FAM222A: variants seen among roughly 807,000 people sequenced by gnomAD.
FAM222A encodes family with sequence similarity 222 member A.
Under a neutral mutation model 25.8 loss-of-function variants are expected in FAM222A, and 7 were observed. The observed-to-expected ratio is 0.27, with a 90% CI of 0.15 to 0.51. FAM222A has a LOEUF of 0.51. FAM222A is among the 20% of genes least tolerant of loss of function. The pLI, the probability that FAM222A is intolerant of heterozygous loss-of-function variation, is 0.97. For missense variants in FAM222A, 573 were observed against 640.5 expected (o/e 0.89, Z 1.14); for synonymous variants, 294 against 298.8 (o/e 0.98, Z 0.17).
intron 1 of FAM222A, among the ~76,000 whole-genome samples, chr12:109,741,040 G>A (rs907200284): frequency 3.3e-5 from 5 of 152,214 alleles, no homozygotes; most frequent in Non-Finnish European, 5.9e-5. Flanking sequence ...GGTGTGGTGG[G>A]CAAAGAGGGC....
chr12:109,720,516 C>T (rs969655528), intron 1 of FAM222A, among the ~76,000 whole-genome samples: 57 of 152,364 alleles, frequency 3.7e-4, no homozygotes, highest in Admixed American at 1.1e-3. Flanking sequence ...TGGCCCTGCC[C>T]CTCGGCATCT....
At position 109,732,924 on chromosome 12, in the gene FAM222A, G is replaced by A. The variant is rs939995306; in HGVS notation, c.-46-11177G>A. ...ACACAGTAGAACCGGCACTCCAGTG[G>A]AAGAGACAGACACTAAACCATTCAT... On this transcript the variant is annotated intron_variant, in intron 1 of 2. Coordinates refer to ENST00000538780, the MANE Select transcript of FAM222A (RefSeq NM_032829.3). 2.0e-5 allele frequency among the ~76,000 whole-genome samples: 3 copies of A among 152,260 alleles called. No homozygotes were observed. In the East Asian group the frequency reaches 5.8e-4, roughly 29 times the overall value.
intron 1 of FAM222A, chr12:109,720,269 G>A: frequency 3.8e-6 from 3 of 792,856 alleles, no homozygotes; most frequent in East Asian, 1.3e-4. Flanking sequence ...GAGACTAGCT[G>A]TGAACAGGCT....
intron 1 of FAM222A, among the ~76,000 whole-genome samples, chr12:109,725,154 A>G (rs1346113108): frequency 1.3e-5 from 2 of 152,176 alleles, no homozygotes; most frequent in African/African-American, 4.8e-5. Context: ...AGTCCAGCCC[A>G]GAGCTGGGAA....
intron 2 of FAM222A, among the ~76,000 whole-genome samples, chr12:109,760,506 T>C (rs1204607736): frequency 1.3e-5 from 2 of 152,154 alleles, no homozygotes; most frequent in South Asian, 4.1e-4. Context: ...GGTCTCAAAC[T>C]GGCAGCCTGT....
At chr12:109,715,517 AG>A (rs1314857019) in intron 1 of FAM222A, among the ~76,000 whole-genome samples, 1 of 149,826 alleles carries the variant, frequency 6.7e-6, no homozygotes, top group Non-Finnish European at 1.5e-5. Context: ...CCAAGGCCGG[AG>A]GGGGCGGGGT....
At chr12:109,753,563 G>C (rs192833974) in intron 2 of FAM222A, among the ~76,000 whole-genome samples, 13 of 152,154 alleles carry the variant, frequency 8.5e-5, no homozygotes, top group Admixed American at 2.0e-4. Context: ...CCATCCCGGG[G>C]GGGGGAGCCT....
chr12:109,720,162 G>A, intron 1 of FAM222A: 1 of 985,484 alleles, frequency 1.0e-6, no homozygotes, highest in Non-Finnish European at 1.2e-6. Flanking sequence ...CAGCAAGCCA[G>A]CATCCCAGCC....
chr12:109,735,965 G>A (rs1308761802), intron 1 of FAM222A: 1 of 152,272 alleles, frequency 6.6e-6, no homozygotes, highest in East Asian at 1.9e-4. Context: ...GAGTGAAACT[G>A]CCCTTCAGAG....
At chr12:109,733,460 GGC>G (rs1887996991) in intron 1 of FAM222A, among the ~76,000 whole-genome samples, 2 of 150,818 alleles carry the variant, frequency 1.3e-5, no homozygotes, top group Admixed American at 6.6e-5. Flanking sequence ...GGAGTGCAGT[GGC>G]GTGTGATCTC....
At chr12:109,762,004 C>A (rs1888912426) in intron 2 of FAM222A, among the ~76,000 whole-genome samples, 2 of 150,568 alleles carry the variant, frequency 1.3e-5, no homozygotes, top group Non-Finnish European at 3.0e-5. Flanking sequence ...CATTCACCAA[C>A]CCCCCAAGAC....
chr12:109,734,031 A>C (rs1381491748), intron 1 of FAM222A: 1 of 152,354 alleles, frequency 6.6e-6, no homozygotes, highest in Non-Finnish European at 1.5e-5. Context: ...TGGGCAACAT[A>C]GCAAGATCCC....
chr12:109,737,875 C>T (rs757052436), intron 1 of FAM222A, among the ~76,000 whole-genome samples: 5 of 152,120 alleles, frequency 3.3e-5, no homozygotes, highest in Non-Finnish European at 5.9e-5. Context: ...CTTGGAAGGC[C>T]TCCGGCTCAG....
intron 2 of FAM222A, among the ~76,000 whole-genome samples, chr12:109,747,906 T>G (rs1392723604): frequency 6.6e-6 from 1 of 152,244 alleles, no homozygotes; most frequent in Non-Finnish European, 1.5e-5. Flanking sequence ...TTCTTTATTT[T>G]ATTTAATAGT....
chr12:109,720,115 T>C (rs1887720658), intron 1 of FAM222A: 1 of 985,290 alleles, frequency 1.0e-6, no homozygotes, highest in Non-Finnish European at 1.2e-6. Context: ...CTGGGTGGGC[T>C]GGGCTTGAAT....
chr12:109,758,834 C>G (rs1888807596), intron 2 of FAM222A, among the ~76,000 whole-genome samples: 2 of 152,296 alleles, frequency 1.3e-5, no homozygotes, highest in Non-Finnish European at 2.9e-5. Flanking sequence ...CCCTTCCATC[C>G]TAGAGAAGCC....
intron 2 of FAM222A, among the ~76,000 whole-genome samples, chr12:109,758,056 C>A (rs1175639266): frequency 6.6e-6 from 1 of 152,180 alleles, no homozygotes; most frequent in African/African-American, 2.4e-5. Context: ...TGTCCCCAGC[C>A]CCACCAGCAG....
intron 2 of FAM222A, among the ~76,000 whole-genome samples, chr12:109,746,821 C>A (rs1204423885): frequency 1.3e-5 from 2 of 152,158 alleles, no homozygotes; most frequent in South Asian, 2.1e-4. Flanking sequence ...TCTACAATTT[C>A]CCTATTCTGG....
chr12:109,739,992 C>T (rs989424727), intron 1 of FAM222A, among the ~76,000 whole-genome samples: 10 of 152,206 alleles, frequency 6.6e-5, no homozygotes, highest in African/African-American at 1.9e-4. Context: ...CCCACTGGCC[C>T]GTGGGCTCCC....
Sources: allele counts gnomAD v4.1 joint callset (sites outside exome capture counted in the v4.1 genomes callset), GRCh38; gene constraint gnomAD v4.1.1; transcripts MANE v1.5; gene names NCBI Gene and HGNC (gene_info 2026-07-23, HGNC 2026-07-21).